The following ADAM12 variants were observed in gnomAD, a reference collection of about 807,000 sequenced individuals.
ADAM12 encodes disintegrin and metalloproteinase domain-containing protein 12.
ADAM12 carries 70 observed loss-of-function variants against 106.4 expected under a neutral mutation model. That is an observed-to-expected ratio of 0.66 (90% CI 0.54 to 0.80). The LOEUF (loss-of-function observed/expected upper bound fraction) is 0.80. Among genes scored for constraint, ADAM12 ranks in the 30% least tolerant of loss-of-function variants. The probability of loss-of-function intolerance (pLI) is 0.00; values close to 1 mark genes in which losing one functional copy is unlikely to be tolerated. For missense variants in ADAM12, 1,010 were observed against 1,171.9 expected (o/e 0.86, Z 2.02); for synonymous variants, 420 against 433.5 (o/e 0.97, Z 0.39).
chr10:126,064,264 C>T lies in ADAM12; in HGVS notation c.1609+542G>A, dbSNP rs1224784471. On this transcript the variant is annotated intron_variant, in intron 14 of 22. Transcript: ENST00000448723. The surrounding 1 kb of genome is among the most constrained non-coding windows in gnomAD (Gnocchi z 4.4). Reference sequence around the variant, plus strand: ...CTCAGGCCTTCTGATTACAGACACACTCATGCTTCAAGTCTGATCAGGGCC... The same window carrying T: ...CTCAGGCCTTCTGATTACAGACACATTCATGCTTCAAGTCTGATCAGGGCC... Among the ~76,000 whole-genome samples the T allele has an allele frequency of 6.6e-6, 1 of 152,190 alleles. No individual in the cohort carries two copies. Among genetic ancestry groups the T allele is most frequent in the Admixed American group, 6.5e-5 (1 of 15,290 alleles).
chr10:126,342,790 T>C (rs1854976645), intron 1 of ADAM12, among the ~76,000 whole-genome samples: 1 of 152,188 alleles, frequency 6.6e-6, no homozygotes, highest in Non-Finnish European at 1.5e-5. Flanking sequence ...GGATTTTCAT[T>C]TCTCTGCAAG....
chr10:126,387,151 C>T (rs1856691831), intron 1 of ADAM12, among the ~76,000 whole-genome samples: 1 of 152,194 alleles, frequency 6.6e-6, no homozygotes, highest in Admixed American at 6.5e-5. Context: ...GGAAGTCGTT[C>T]ATCGGTGGAC....
chr10:126,109,167 GA>G (rs1247717877), intron 7 of ADAM12, among the ~76,000 whole-genome samples: 1 of 152,126 alleles, frequency 6.6e-6, no homozygotes, highest in African/African-American at 2.4e-5. Flanking sequence ...ATCATTTTCT[GA>G]AAAATAGTCA....
intron 6 of ADAM12, among the ~76,000 whole-genome samples, chr10:126,116,497 T>G (rs2133617190): frequency 6.6e-6 from 1 of 151,986 alleles, no homozygotes; most frequent in Middle Eastern, 3.4e-3. Context: ...AAAAGTCTCT[T>G]GAGCTTGTAA....
intron 2 of ADAM12, among the ~76,000 whole-genome samples, chr10:126,328,464 C>T (rs1435699099): frequency 6.6e-6 from 1 of 152,184 alleles, no homozygotes; most frequent in African/African-American, 2.4e-5. Context: ...ACACCTTTGG[C>T]CAGAATGCCT....
intron 1 of ADAM12, among the ~76,000 whole-genome samples, chr10:126,348,333 T>A (rs754218615): frequency 5.9e-5 from 9 of 152,130 alleles, no homozygotes; most frequent in Non-Finnish European, 2.9e-5. Context: ...CCAGGATGTC[T>A]TCACAACAGG....
rs1239088533 is a variant in ADAM12 at position 126,125,238 on chromosome 10, T to C, written c.417-7014A>G. Among the ~76,000 whole-genome samples, 3 of 131,802 alleles carry C rather than the reference T, an allele frequency of 2.3e-5. No individual in the cohort carries two copies. The East Asian group carries it at 7.0e-4, about 31-fold the overall frequency. The allele number at this position is 131,802 out of a possible 152,430, so 86.5% of individuals were successfully genotyped here. On this transcript the variant is annotated intron_variant, in intron 5 of 22. Transcript: ENST00000448723. ...CGAATGTATTACTTCCTTTTTTTTTTCTTTTCTTTTCTTTTTTTTTTTTTT... is the reference window on the plus strand; with the variant it reads ...CGAATGTATTACTTCCTTTTTTTTTCCTTTTCTTTTCTTTTTTTTTTTTTT...
chr10:126,133,642 G>A (rs898138577), intron 5 of ADAM12, among the ~76,000 whole-genome samples: 7 of 151,632 alleles, frequency 4.6e-5, no homozygotes, highest in African/African-American at 1.7e-4. Flanking sequence ...AAGCTCCCTG[G>A]CACCCATCAC....
At chr10:126,046,974 A>T (rs1954342657) in intron 16 of ADAM12, among the ~76,000 whole-genome samples, 1 of 152,140 alleles carries the variant, frequency 6.6e-6, no homozygotes, top group African/African-American at 2.4e-5. Context: ...GACAAGTAGT[A>T]TCATCAATGA....
chr10:126,204,860 C>A (rs1218503753), intron 3 of ADAM12, among the ~76,000 whole-genome samples: 1 of 152,166 alleles, frequency 6.6e-6, no homozygotes, highest in Non-Finnish European at 1.5e-5. Flanking sequence ...GTCTTTGTCA[C>A]AACTACCCAA....
At chr10:126,037,797 C>T (rs1954085930) in intron 20 of ADAM12, among the ~76,000 whole-genome samples, 1 of 152,132 alleles carries the variant, frequency 6.6e-6, no homozygotes, top group Admixed American at 6.5e-5. Flanking sequence ...TCTGAGAGCT[C>T]CATGTAACTT....
In ADAM12 at chr10:126,049,719, T is replaced by A; in HGVS notation, c.1610-50A>T. ...TTCATCTCCTGCAGGTGATTTTTTTTTTTTCATGGCTGTAGGCCTCTCAAA... is the reference window on the plus strand; with the variant it reads ...TTCATCTCCTGCAGGTGATTTTTTTATTTTCATGGCTGTAGGCCTCTCAAA... On this transcript the variant is annotated intron_variant, in intron 14 of 22. Coordinates refer to ENST00000448723, the MANE Select transcript of ADAM12 (RefSeq NM_001288973.2). This position sits in a 1 kb window ranked among gnomAD's most constrained non-coding sequence, Gnocchi z 4.4. 1.3e-6 allele frequency: 2 copies of A among 1,547,504 alleles called. No homozygotes were observed. Among genetic ancestry groups the A allele is most frequent in the Non-Finnish European group, 1.8e-6 (2 of 1,126,330 alleles).
In ADAM12 at chr10:126,066,237, G is replaced by A. The variant is rs1954865226; in HGVS notation, c.1413+480C>T. Among the ~76,000 whole-genome samples the A allele has an allele frequency of 1.3e-5, 2 of 152,188 alleles. No individual in the cohort carries two copies. The highest frequency in any genetic ancestry group is 6.5e-5 in the Admixed American group (1 of 15,282). On this transcript the variant is annotated intron_variant, in intron 13 of 22. Transcript: ENST00000448723. The surrounding 1 kb of genome is among the most constrained non-coding windows in gnomAD (Gnocchi z 5.1). ...ATAAAACTGCCATTCTTGGCTGGGC[G>A]GGGTTGGTGGCAACTTCTTTTGGGA...
chr10:126,067,108 T>C lies in ADAM12; in HGVS notation c.1324-302A>G, dbSNP rs1954887441. ...ACTCTAGTCAGCAGTACACTGGGGC[T>C]CTGTAGAGGGGTGTCCAGGCGGATC... On this transcript the variant is annotated intron_variant, in intron 12 of 22. Coordinates refer to ENST00000448723, the MANE Select transcript of ADAM12 (RefSeq NM_001288973.2). 2.2e-5 allele frequency: 8 copies of C among 369,522 alleles called. No individual in the cohort carries two copies. The South Asian group carries it at 2.4e-4, about 11-fold the overall frequency. The allele number at this position is 369,522 out of a possible 1,614,324, so 22.9% of individuals were successfully genotyped here.
rs138966474 is a variant in ADAM12, at chr10:126,383,571, A to C, written c.88+4487T>G. Among the ~76,000 whole-genome samples the C allele has an allele frequency of 5.2e-3, 791 of 152,298 alleles. 13 individuals are homozygous for C. Among genetic ancestry groups the C allele is most frequent in the African/African-American group, 0.018 (752 of 41,562 alleles). On this transcript the variant is annotated intron_variant, in intron 1 of 22. Transcript: ENST00000448723. The stretch of plus-strand genomic sequence containing the variant: ...AAGCACATAATCATAAAACGCAAAA[A>C]TACTAGTGACAACGAAAAAAGATAA...
intron 6 of ADAM12, among the ~76,000 whole-genome samples, chr10:126,115,915 CA>C (rs1258529586): frequency 6.6e-6 from 1 of 152,186 alleles, no homozygotes; most frequent in East Asian, 1.9e-4. Context: ...TCATTATATA[CA>C]TGCATTTTAA....
At chr10:126,141,674 G>GT (rs1479728203) in intron 4 of ADAM12, among the ~76,000 whole-genome samples, 2 of 152,162 alleles carry the variant, frequency 1.3e-5, no homozygotes, top group African/African-American at 2.4e-5. Flanking sequence ...TCAAACGTCT[G>GT]TTACCCAACT....
intron 3 of ADAM12, among the ~76,000 whole-genome samples, chr10:126,250,264 C>A (rs935610137): frequency 6.6e-6 from 1 of 152,166 alleles, no homozygotes; most frequent in Non-Finnish European, 1.5e-5. Flanking sequence ...CTGGGGCCCA[C>A]CTTTACTTAA....
intron 2 of ADAM12, among the ~76,000 whole-genome samples, chr10:126,290,186 G>A (rs1053444031): frequency 5.9e-5 from 9 of 152,132 alleles, no homozygotes; most frequent in Non-Finnish European, 1.0e-4. Flanking sequence ...GCCCTCAACC[G>A]CCAGCAAGAA....
Sources: allele counts gnomAD v4.1 joint callset (sites outside exome capture counted in the v4.1 genomes callset), GRCh38; gene constraint gnomAD v4.1.1; non-coding constraint Gnocchi (gnomAD v3.1); transcripts MANE v1.5; gene names NCBI Gene and HGNC (gene_info 2026-07-23, HGNC 2026-07-21).